MAP4K1: variants seen among roughly 807,000 people sequenced by gnomAD.
MAP4K1 encodes the protein MAPK/ERK kinase kinase kinase 1.
Under a neutral mutation model 122.8 loss-of-function variants are expected in MAP4K1, and 35 were observed. That is an observed-to-expected ratio of 0.29 (90% CI 0.22 to 0.38). The LOEUF is 0.38. Ranked by LOEUF, MAP4K1 falls within the 10% of genes least tolerant of loss-of-function variation. The pLI is 1.00. For synonymous variants in MAP4K1, 412 were observed against 421.3 expected (o/e 0.98, Z 0.27); for missense variants, 791 against 1,072.6 (o/e 0.74, Z 3.67).
rs1974881104 is a variant in MAP4K1, at chr19:38,596,354, G to A, written c.2074C>T (p.Arg692Cys). 1 of 1,602,054 alleles carries A rather than the reference G, an allele frequency of 6.2e-7. No individual in the cohort carries two copies. Among genetic ancestry groups the A allele is most frequent in the Non-Finnish European group, 8.5e-7 (1 of 1,176,086 alleles). ...PGKSVLFHTV[R>C]FGALSCWLGE... is the part of the protein sequence containing the mutation. ...AGCCAGCAAGAGAGCGCGCCAAAGC[G>A]CACCGTGTGGAAGAGCACCGACTTC... is the stretch of plus-strand genomic sequence containing the variant. Residue 692 changes from arginine (R) to cysteine (C), a missense_variant, in exon 26 of 31, where the codon CGC becomes TGC. Physicochemically the swap from Arg to Cys is radical, Grantham distance 180 (BLOSUM62 -3). This residue lies in a region of MAP4K1 where 267 missense variants were observed against 323.0 expected (regional missense o/e 0.83). Coordinates refer to ENST00000396857, the MANE Select transcript of MAP4K1 (RefSeq NM_001042600.3).
chr19:38,603,555 C>A (rs529075290), intron 19 of MAP4K1, among the ~76,000 whole-genome samples: 4 of 152,052 alleles, frequency 2.6e-5, no homozygotes, highest in Middle Eastern at 3.4e-3. Flanking sequence ...TACTTTTAGC[C>A]GGTAGCCAAC....
At chr19:38,606,822 C>T (rs1294384373) in intron 16 of MAP4K1, among the ~76,000 whole-genome samples, 1 of 152,232 alleles carries the variant, frequency 6.6e-6, no homozygotes, top group African/African-American at 2.4e-5. Context: ...GACATCAGCG[C>T]CGTGGCCCTG....
Position 38,595,672 on chromosome 19 carries a change from T to C in MAP4K1, c.2237A>G (p.Glu746Gly). ...CTCCACCGCTTCGGTCATGGGGATC[T>C]CAGGTGTGCGAAGTCCCCGGACTGG... Reference protein sequence around the residue: ...GSPVRGLRTPEIPMTEAVEAV... With the variant: ...GSPVRGLRTPGIPMTEAVEAV... The change falls in exon 28 of 31, where the codon GAG becomes GGG. Residue 746 changes from glutamate to glycine, a missense_variant. Glu to Gly is a moderately conservative substitution (Grantham distance 98). This residue lies in a region of MAP4K1 where 267 missense variants were observed against 323.0 expected (regional missense o/e 0.83). Transcript: ENST00000396857. The C allele has an allele frequency of 6.2e-7, 1 of 1,613,398 alleles. No individual in the cohort carries two copies. The highest frequency in any genetic ancestry group is 8.5e-7 in the Non-Finnish European group (1 of 1,179,574).
At chr19:38,592,544 C>T (rs1758470718) in intron 30 of MAP4K1, 1 of 151,382 alleles carries the variant, frequency 6.6e-6, no homozygotes, top group Admixed American at 6.6e-5. Flanking sequence ...CACTGCACTC[C>T]AGCCTGGGCA....
chr19:38,603,413 TAC>T (rs1012147039), intron 19 of MAP4K1, among the ~76,000 whole-genome samples: 3 of 134,096 alleles, frequency 2.2e-5, no homozygotes, highest in East Asian at 7.5e-4. Context: ...TACATATATA[TAC>T]ACGTATACAT....
rs1178534051 is a variant in MAP4K1 at position 38,616,847 on chromosome 19, A to G, written c.248+507T>C. 5.3e-5 allele frequency among the ~76,000 whole-genome samples: 8 copies of G among 152,238 alleles called. 1 individual carries two copies. In the South Asian group the frequency reaches 1.5e-3, roughly 28 times the overall value. ...AGATTAGAGGCTGCTCTGGTCAGAAAAGTGGGACTTAGGAGTGAGGATCAT... is the reference window on the plus strand; with the variant it reads ...AGATTAGAGGCTGCTCTGGTCAGAAGAGTGGGACTTAGGAGTGAGGATCAT... On this transcript the variant is annotated intron_variant, in intron 3 of 30. Coordinates refer to ENST00000396857, the MANE Select transcript of MAP4K1 (RefSeq NM_001042600.3).
intron 12 of MAP4K1, 67 bp downstream of exon 12, chr19:38,609,842 C>CT (rs1356049969): frequency 6.9e-7 from 1 of 1,453,044 alleles, no homozygotes; most frequent in East Asian, 2.3e-5. Context: ...GAAGGCACTG[C>CT]TGGCAGCAGG....
intron 6 of MAP4K1, 38 bp downstream of exon 6, chr19:38,614,207 C>T: frequency 6.2e-7 from 1 of 1,611,636 alleles, no homozygotes; most frequent in South Asian, 1.1e-5. Context: ...ATCTCCTGGG[C>T]CCCACCCCCC....
chr19:38,605,694 TCCCAGGA>T lies in MAP4K1; in HGVS notation c.1230_1236del (p.Pro411AlafsTer8). ...CTCAGCTGCCCATCATCCCCCATGC[TCCCAGGA>T]CCCTCGTCTGATGGAGAACGGAACT... On this transcript the variant is annotated frameshift_variant, in exon 18 of 31. Transcript: ENST00000396857. LOFTEE classifies it high-confidence loss of function. 6.2e-7 allele frequency: 1 copy of T among 1,607,220 alleles called. No homozygotes were observed. Among genetic ancestry groups the T allele is most frequent in the Non-Finnish European group, 8.5e-7 (1 of 1,178,496 alleles).
chr19:38,608,036 G>T lies in MAP4K1; in HGVS notation c.1066-3C>A. The T allele has an allele frequency of 1.3e-6, 2 of 1,597,802 alleles. No homozygotes were observed. Among genetic ancestry groups the T allele is most frequent in the Non-Finnish European group, 1.7e-6 (2 of 1,170,302 alleles). Reference sequence around the variant, plus strand: ...TCTCGAGGAGGCTGTAGGCGAGCCTGTGGGGTAGGAAAAGGGTCAGCAGTG... The same window carrying T: ...TCTCGAGGAGGCTGTAGGCGAGCCTTTGGGGTAGGAAAAGGGTCAGCAGTG... On this transcript the variant is annotated splice_polypyrimidine_tract_variant and splice_region_variant and intron_variant, in intron 14 of 30. Coordinates refer to ENST00000396857, the MANE Select transcript of MAP4K1 (RefSeq NM_001042600.3).
chr19:38,597,759 T>C lies in MAP4K1; in HGVS notation c.1670-165A>G, dbSNP rs150188346. ...TCATTCATTTCTCACTCCACATAGA[T>C]TGAACGTCCATTGTAGGCCAGGCCT... On this transcript the variant is annotated intron_variant, in intron 22 of 30. Transcript: ENST00000396857. This position sits in a 1 kb window ranked among gnomAD's most constrained non-coding sequence, Gnocchi z 4.6. Among the ~76,000 whole-genome samples, 26 of 152,240 alleles carry C rather than the reference T, an allele frequency of 1.7e-4. No homozygotes were observed. In the East Asian group the frequency reaches 5.0e-3, roughly 29 times the overall value.
rs1195745230 is a variant in MAP4K1 at position 38,596,450 on chromosome 19, A to G, written c.1978T>C (p.Phe660Leu). 7 of 1,585,222 alleles carry G rather than the reference A, an allele frequency of 4.4e-6. No homozygotes were observed. The African/African-American group carries it at 8.0e-5, about 18-fold the overall frequency. The change falls in exon 26 of 31, where the codon TTC becomes CTC. Residue 660 changes from phenylalanine (F) to leucine (L), a missense_variant. Phe to Leu is a conservative substitution (Grantham distance 22). Transcript: ENST00000396857. ...GAGCCTGGCCCGGTCAGCAGCGCGA[A>G]CACGGACAGAGGCGTCGGCAGTGGG... Reference protein sequence around the residue: ...LFPLPTPLSVFALLTGPGSEL... With the variant: ...LFPLPTPLSVLALLTGPGSEL...
chr19:38,589,683 G>A (rs2145926895), intron 30 of MAP4K1, among the ~76,000 whole-genome samples: 1 of 152,186 alleles, frequency 6.6e-6, no homozygotes, highest in South Asian at 2.1e-4. Context: ...CCAAAGTGCT[G>A]GGATTACAGG....
chr19:38,613,999 G>T, intron 7 of MAP4K1, 44 bp downstream of exon 7: 1 of 1,613,208 alleles, frequency 6.2e-7, no homozygotes, highest in South Asian at 1.1e-5. Context: ...CTGCGCTTCC[G>T]GCCCCCCAGT....
At chr19:38,608,980 C>A (rs149475324) in intron 13 of MAP4K1, among the ~76,000 whole-genome samples, 1,973 of 151,816 alleles carry the variant, frequency 0.013, 41 homozygotes, top group African/African-American at 0.044. Flanking sequence ...GATCCTGTCA[C>A]AAAAAAATAA....
At chr19:38,593,374 A>T (rs755139389) in intron 29 of MAP4K1, 37 bp from the exon 30 acceptor site, 7 of 1,562,638 alleles carry the variant, frequency 4.5e-6, no homozygotes, top group Non-Finnish European at 4.4e-6. Context: ...TGCCTGGAAG[A>T]TACCTCCACT....
intron 19 of MAP4K1, among the ~76,000 whole-genome samples, chr19:38,604,906 G>A (rs1296538046): frequency 2.0e-5 from 3 of 151,720 alleles, no homozygotes; most frequent in South Asian, 4.2e-4. Context: ...AACCAACATG[G>A]TGAAACCCCA....
chr19:38,605,373 C>G, intron 19 of MAP4K1, 36 bp downstream of exon 19: 4 of 1,420,026 alleles, frequency 2.8e-6, no homozygotes, highest in Non-Finnish European at 2.9e-6. Context: ...CCAGCCCCGT[C>G]CAGAGGTGTA....
At chr19:38,594,090 T>C (rs1974802396) in intron 29 of MAP4K1, among the ~76,000 whole-genome samples, 1 of 152,152 alleles carries the variant, frequency 6.6e-6, no homozygotes, top group Non-Finnish European at 1.5e-5. Context: ...ATCTCTATAG[T>C]GGTCCCCATT....
Sources: gnomAD v4.1 joint callset for allele counts (sites outside exome capture counted in the v4.1 genomes callset) on GRCh38, gnomAD v4.1.1 for gene constraint, gnomAD v4.1.1 regional missense constraint, Gnocchi (gnomAD v3.1) non-coding constraint, MANE v1.5 for transcripts, NCBI Gene and HGNC (gene_info 2026-07-23, HGNC 2026-07-21) for gene names.